Variants in PGM5 observed in about 807,000 individuals in gnomAD.
PGM5 encodes the protein phosphoglucomutase 5, also known as phosphoglucomutase-like protein 5.
A neutral mutation model predicts 59.2 loss-of-function variants in PGM5; 23 were observed. That is an observed-to-expected ratio of 0.39 (90% CI 0.28 to 0.55). PGM5 has a LOEUF of 0.55. Among genes scored for constraint, PGM5 ranks in the 20% least tolerant of loss-of-function variants. The pLI is 0.66. For missense variants in PGM5, 574 were observed against 748.3 expected, an observed-to-expected ratio of 0.77 and a Z score of 2.72; for synonymous variants, 214 against 286.0, an observed-to-expected ratio of 0.75 and a Z score of 2.54.
rs191948247 is a variant in PGM5, at chr9:68,441,734, C to A, written c.1044-23359C>A. Among the ~76,000 whole-genome samples, 862 of 152,156 alleles carry A rather than the reference C, an allele frequency of 5.7e-3. 4 individuals carry two copies. Among genetic ancestry groups the A allele is most frequent in the Non-Finnish European group, 9.0e-3 (609 of 67,984 alleles). ...TTCACCACTGTTATTCAATATTGCACTAGCAGACCCAGCCAATGCAATAAG... is the reference window on the plus strand; with the variant it reads ...TTCACCACTGTTATTCAATATTGCAATAGCAGACCCAGCCAATGCAATAAG... On this transcript the variant is annotated intron_variant, in intron 6 of 10. Coordinates refer to ENST00000396396, the MANE Select transcript of PGM5 (RefSeq NM_021965.4).
intron 6 of PGM5, among the ~76,000 whole-genome samples, chr9:68,434,316 CAAAAAAAAA>C (rs71353054): frequency 2.2e-5 from 2 of 90,858 alleles, no homozygotes; most frequent in African/African-American, 4.0e-5. Context: ...GACTCCGTCT[CAAAAAAAAA>C]AAAAAAAAAA....
intron 6 of PGM5, chr9:68,396,140 C>T (rs1822494723): frequency 6.6e-6 from 1 of 152,046 alleles, no homozygotes; most frequent in Non-Finnish European, 1.5e-5. Context: ...TAATTTGTAA[C>T]ATATCAACTC....
intron 6 of PGM5, among the ~76,000 whole-genome samples, chr9:68,422,723 T>G (rs1429387965): frequency 6.6e-6 from 1 of 152,176 alleles, no homozygotes; most frequent in Admixed American, 6.5e-5. Context: ...AAGGCATAAT[T>G]AAAAAAATTT....
chr9:68,437,321 G>A lies in PGM5; in HGVS notation c.1044-27772G>A, dbSNP rs551999728. Among the ~76,000 whole-genome samples the A allele has an allele frequency of 5.8e-4, 88 of 152,270 alleles. No individual in the cohort carries two copies. The South Asian group carries it at 0.017, about 29-fold the overall frequency. On this transcript the variant is annotated intron_variant, in intron 6 of 10. Transcript: ENST00000396396. This position sits in a 1 kb window ranked among gnomAD's most constrained non-coding sequence, Gnocchi z 4.1. ...GGAAGAGACTCTGATAGAGGATATT[G>A]TTAGTGGAGAAAAGGAAGCTTGGCA...
At chr9:68,361,279 A>G (rs2131970888) in intron 1 of PGM5, among the ~76,000 whole-genome samples, 1 of 152,298 alleles carries the variant, frequency 6.6e-6, no homozygotes. Context: ...TAACCTGGAA[A>G]ATACCCTCAC....
At chr9:68,370,076 T>C (rs1320618110) in intron 1 of PGM5, among the ~76,000 whole-genome samples, 1 of 151,884 alleles carries the variant, frequency 6.6e-6, no homozygotes, top group Non-Finnish European at 1.5e-5. Context: ...AACAGGCATC[T>C]TTGTGTATAT....
chr9:68,463,544 C>T (rs1554685592), intron 6 of PGM5, among the ~76,000 whole-genome samples: 1 of 152,134 alleles, frequency 6.6e-6, no homozygotes, highest in African/African-American at 2.4e-5. Flanking sequence ...TTAAGCAGAT[C>T]TGGGTCCCAA....
intron 6 of PGM5, among the ~76,000 whole-genome samples, chr9:68,401,927 G>GTA (rs1563994916): frequency 3.4e-5 from 2 of 58,234 alleles, no homozygotes; most frequent in African/African-American, 1.6e-4. Flanking sequence ...GTGTGTGTGT[G>GTA]TGTATATATT....
chr9:68,377,060 G>A (rs1163841234), intron 1 of PGM5, among the ~76,000 whole-genome samples: 3 of 151,848 alleles, frequency 2.0e-5, no homozygotes, highest in Non-Finnish European at 2.9e-5. Flanking sequence ...CGGAGTAGCT[G>A]GGACTACAGG....
rs376814046 is a variant in PGM5, at chr9:68,377,998, A to G, written c.262-201A>G. ...AGGTTAATAATTGACTACTAGATGC[A>G]GGTGCACCAAATGGTCTTAGAGACA... On this transcript the variant is annotated intron_variant, in intron 1 of 10. Transcript: ENST00000396396. Among the ~76,000 whole-genome samples the G allele has an allele frequency of 5.2e-3, 785 of 152,220 alleles. 3 individuals carry two copies. The highest frequency in any genetic ancestry group is 0.017 in the African/African-American group (715 of 41,522).
At chr9:68,499,062 G>A (rs778190489) in intron 9 of PGM5, 165 bp from the exon 10 acceptor site, 37 of 706,162 alleles carry the variant, frequency 5.2e-5, no homozygotes, top group Non-Finnish European at 7.9e-5. Context: ...CTCTAAGTAG[G>A]TTCATCACAT....
At chr9:68,516,407 C>G (rs1824824778) in intron 10 of PGM5, among the ~76,000 whole-genome samples, 1 of 152,224 alleles carries the variant, frequency 6.6e-6, no homozygotes, top group Admixed American at 6.5e-5. Context: ...TTCCCAAGGG[C>G]TAGCCCTTTC....
chr9:68,463,262 G>T (rs1231962357), intron 6 of PGM5, among the ~76,000 whole-genome samples: 1 of 149,800 alleles, frequency 6.7e-6, no homozygotes, highest in Non-Finnish European at 1.5e-5. Context: ...TCCTGTGTTT[G>T]TCTTTCTTCC....
intron 6 of PGM5, among the ~76,000 whole-genome samples, chr9:68,452,159 C>A (rs972026568): frequency 6.6e-6 from 1 of 152,186 alleles, no homozygotes; most frequent in African/African-American, 2.4e-5. Context: ...AACCCCCTGC[C>A]CCACCACAAG....
chr9:68,483,729 A>T, intron 8 of PGM5, 136 bp from the exon 9 acceptor site: 1 of 694,170 alleles, frequency 1.4e-6, no homozygotes, highest in Non-Finnish European at 2.5e-6. Context: ...GTCAGATGAA[A>T]GAGGGGAGAT....
chr9:68,401,986 G>A (rs1374182249), intron 6 of PGM5, among the ~76,000 whole-genome samples: 1 of 151,854 alleles, frequency 6.6e-6, no homozygotes, highest in Non-Finnish European at 1.5e-5. Context: ...ATTTTGGCTG[G>A]GCGCGGTGGC....
chr9:68,455,463 G>T (rs1409735343), intron 6 of PGM5, among the ~76,000 whole-genome samples: 2 of 150,604 alleles, frequency 1.3e-5, no homozygotes, highest in Non-Finnish European at 2.9e-5. Context: ...AAAGGAAGGG[G>T]AAATGTTCAT....
chr9:68,415,779 A>ATATCTATCGATCTATC (rs1554681920), intron 6 of PGM5, among the ~76,000 whole-genome samples: 59 of 33,278 alleles, frequency 1.8e-3, no homozygotes, highest in African/African-American at 3.3e-3. Flanking sequence ...AAGGCAGGGA[A>ATATCTATCGATCTATC]TATCTATCTA....
intron 7 of PGM5, among the ~76,000 whole-genome samples, chr9:68,475,866 A>G (rs996525346): frequency 2.0e-5 from 3 of 152,130 alleles, no homozygotes; most frequent in African/African-American, 7.2e-5. Flanking sequence ...AAAGTAAATA[A>G]ATAAATTAGC....
Sources: allele counts gnomAD v4.1 joint callset (sites outside exome capture counted in the v4.1 genomes callset), GRCh38; gene constraint gnomAD v4.1.1; non-coding constraint Gnocchi (gnomAD v3.1); transcripts MANE v1.5; gene names NCBI Gene and HGNC (gene_info 2026-07-23, HGNC 2026-07-21).